The following DCTN4 variants were observed in gnomAD, a reference collection of about 807,000 sequenced individuals.
DCTN4 encodes dynactin 4 (p62).
In DCTN4, 23 loss-of-function variants were observed where a neutral mutation model predicts 62.7. That is an observed-to-expected ratio of 0.37 (90% CI 0.26 to 0.52). The LOEUF (loss-of-function observed/expected upper bound fraction) is 0.52, where lower values mean the gene tolerates loss of function less well. Ranked by LOEUF, DCTN4 falls within the 20% of genes least tolerant of loss-of-function variation. The pLI, the probability that DCTN4 is intolerant of heterozygous loss-of-function variation, is 0.92. For synonymous variants in DCTN4, 199 were observed against 202.1 expected (o/e 0.98, Z 0.13); for missense variants, 514 against 580.4 (o/e 0.89, Z 1.18).
At chr5:150,738,071 A>C (rs2113086498) in intron 4 of DCTN4, among the ~76,000 whole-genome samples, 1 of 152,312 alleles carries the variant, frequency 6.6e-6, no homozygotes, top group South Asian at 2.1e-4. Flanking sequence ...ACCAGGAAGA[A>C]ATAGGAACTC....
At chr5:150,751,266 GA>G (rs1306755247) in intron 3 of DCTN4, among the ~76,000 whole-genome samples, 1 of 152,088 alleles carries the variant, frequency 6.6e-6, no homozygotes, top group African/African-American at 2.4e-5. Flanking sequence ...AGGAGGAAAT[GA>G]AATTATCTGT....
At position 150,711,102 on chromosome 5, in the gene DCTN4, G is replaced by A. The variant is rs1455168305; in HGVS notation, c.*47C>T. On this transcript the variant is annotated 3_prime_UTR_variant, in exon 13 of 13. Coordinates refer to ENST00000447998, the MANE Select transcript of DCTN4 (RefSeq NM_016221.4). ...CAGCAGCTTCCACATTTTAACGCAG[G>A]TTTACGGTGATACTGTCCTTTGGGA... The A allele has an allele frequency of 6.4e-7, 1 of 1,566,456 alleles. No individual in the cohort carries two copies. Among genetic ancestry groups the A allele is most frequent in the South Asian group, 1.1e-5 (1 of 89,806 alleles).
At chr5:150,719,261 TAA>T (rs1479048572) in intron 10 of DCTN4, among the ~76,000 whole-genome samples, 1 of 152,186 alleles carries the variant, frequency 6.6e-6, no homozygotes, top group South Asian at 2.1e-4. Flanking sequence ...AAAGAAGAGT[TAA>T]AGAGTTTGCT....
intron 12 of DCTN4, among the ~76,000 whole-genome samples, chr5:150,713,331 C>G (rs747183125): frequency 2.0e-5 from 3 of 152,124 alleles, no homozygotes; most frequent in Non-Finnish European, 4.4e-5. Context: ...GTCTGGAATG[C>G]TATCGAACAA....
intron 7 of DCTN4, 146 bp downstream of exon 7, chr5:150,730,898 C>T (rs1760336753): frequency 1.3e-6 from 1 of 776,756 alleles, no homozygotes; most frequent in African/African-American, 1.8e-5. Context: ...CAAACAATTA[C>T]CTCTATTACA....
At position 150,732,577 on chromosome 5, in the gene DCTN4, T is replaced by TA. The variant is rs1178848097; in HGVS notation, c.537+790dup. 2.0e-5 allele frequency among the ~76,000 whole-genome samples: 3 copies of TA among 152,216 alleles called. No individual in the cohort carries two copies. The East Asian group carries it at 5.8e-4, about 29-fold the overall frequency. On this transcript the variant is annotated intron_variant, in intron 5 of 12. Coordinates refer to ENST00000447998, the MANE Select transcript of DCTN4 (RefSeq NM_016221.4). ...CATTTCCTCAAGCGTAAAATGGGGA[T>TA]ATGATACTCCACAGGATTTTTGTGA...
In DCTN4 at chr5:150,722,935, T is replaced by C. The variant is rs752232545; in HGVS notation, c.880A>G (p.Ile294Val). ...GCGACCAGCTGGATTTTGAATTTGA[T>C]TGACGTTGGGTTAAATTCTGGCTTG... The part of the protein sequence containing the change: ...LSKPEFNPTS[I>V]KFKIQLVAVN... The change falls in exon 9 of 13, where the codon ATC becomes GTC. Residue 294 changes from isoleucine to valine, a missense_variant. Coordinates refer to ENST00000447998, the MANE Select transcript of DCTN4 (RefSeq NM_016221.4). The C allele has an allele frequency of 7.4e-6, 12 of 1,612,984 alleles. No individual in the cohort carries two copies. In the South Asian group the frequency reaches 8.8e-5, roughly 12 times the overall value.
intron 2 of DCTN4, chr5:150,755,428 C>T: frequency 2.4e-6 from 1 of 421,516 alleles, no homozygotes; most frequent in Non-Finnish European, 4.7e-6. Context: ...AGTGGAGAAA[C>T]CTGACAAACA....
chr5:150,720,879 C>T (rs1285070150), intron 9 of DCTN4, among the ~76,000 whole-genome samples: 1 of 152,204 alleles, frequency 6.6e-6, no homozygotes, highest in Non-Finnish European at 1.5e-5. Flanking sequence ...TAAGTACAGG[C>T]TGCCATTCAG....
At chr5:150,756,133 C>T (rs1752853130) in intron 2 of DCTN4, among the ~76,000 whole-genome samples, 1 of 151,510 alleles carries the variant, frequency 6.6e-6, no homozygotes, top group South Asian at 2.1e-4. Flanking sequence ...TGTCTGCCTC[C>T]CAGGTTCAAG....
At chr5:150,712,491 G>A (rs1350439866) in intron 12 of DCTN4, among the ~76,000 whole-genome samples, 3 of 152,068 alleles carry the variant, frequency 2.0e-5, no homozygotes, top group East Asian at 1.9e-4. Flanking sequence ...GCAGTGGCAC[G>A]ATCATAGTTC....
intron 9 of DCTN4, among the ~76,000 whole-genome samples, chr5:150,721,405 A>G (rs527528839): frequency 1.9e-3 from 294 of 152,334 alleles, no homozygotes; most frequent in African/African-American, 6.4e-3. Context: ...TTTCTACAGA[A>G]TATATCCCTG....
Position 150,722,967 on chromosome 5 carries a change from T to G in DCTN4, c.848A>C (p.Asn283Thr), listed in dbSNP as rs149149151. ...TGGGTTAAATTCTGGCTTGCTCAAATTATGTTCACATTTCTAAAAAGAAAA... is the reference window on the plus strand; with the variant it reads ...TGGGTTAAATTCTGGCTTGCTCAAAGTATGTTCACATTTCTAAAAAGAAAA... ...RSLRCRKCEH[N>T]LSKPEFNPTS... The change falls in exon 9 of 13, where the codon AAT becomes ACT. Residue 283 changes from asparagine (N) to threonine (T), a missense_variant. By Grantham distance (65) the Asn-to-Thr change is moderately conservative. Transcript: ENST00000447998. The G allele has an allele frequency of 1.9e-6, 3 of 1,611,452 alleles. No homozygotes were observed. Among genetic ancestry groups the G allele is most frequent in the East Asian group, 2.2e-5 (1 of 44,816 alleles).
rs201026643 is a variant in DCTN4, at chr5:150,733,395, A to C, written c.510T>G (p.Arg170=). The change falls in exon 5 of 13, where the codon CGT becomes CGG. Residue 170 remains arginine (R), a synonymous_variant. Coordinates refer to ENST00000447998, the MANE Select transcript of DCTN4 (RefSeq NM_016221.4). ...AAAAAGCCAGAGGCATATAGTTTCT[A>C]CGTCGTGCCAGTTTCTTGCGATCTC... ...VERDRKKLAR[R]RNYMPLAFSD... 6.2e-7 allele frequency: 1 copy of C among 1,614,060 alleles called. No individual in the cohort carries two copies. The highest frequency in any genetic ancestry group is 8.5e-7 in the Non-Finnish European group (1 of 1,179,956).
intron 3 of DCTN4, among the ~76,000 whole-genome samples, chr5:150,749,430 G>GT: frequency 1.3e-5 from 2 of 152,286 alleles, no homozygotes; most frequent in South Asian, 2.1e-4. Flanking sequence ...GCTAAAATGG[G>GT]TAAGACTGAC....
intron 11 of DCTN4, 28 bp downstream of exon 11, chr5:150,718,248 C>A (rs1457094907): frequency 1.3e-6 from 2 of 1,515,146 alleles, no homozygotes; most frequent in South Asian, 2.3e-5. Flanking sequence ...AAGTGCGGGT[C>A]AGTCAGGCTG....
chr5:150,731,954 C>A (rs1309402121), intron 5 of DCTN4: 1 of 1,535,222 alleles, frequency 6.5e-7, no homozygotes, highest in African/African-American at 1.4e-5. Context: ...ACAAAAAATG[C>A]AGCATAAGAT....
chr5:150,742,016 T>C (rs1385577748), intron 4 of DCTN4, 98 bp downstream of exon 4: 2 of 1,028,600 alleles, frequency 1.9e-6, no homozygotes, highest in East Asian at 2.4e-5. Context: ...TATGGACTTA[T>C]AAACACAGCT....
At chr5:150,750,522 A>G (rs10056483) in intron 3 of DCTN4, among the ~76,000 whole-genome samples, 22,442 of 152,162 alleles carry the variant, frequency 0.15, 2,973 homozygotes, top group African/African-American at 0.35. Context: ...CAGCAGCTAT[A>G]TTTTTTCAAA....
Sources: gnomAD v4.1 joint callset for allele counts (sites outside exome capture counted in the v4.1 genomes callset) on GRCh38, gnomAD v4.1.1 for gene constraint, MANE v1.5 for transcripts, NCBI Gene and HGNC (gene_info 2026-07-23, HGNC 2026-07-21) for gene names.